SKA3: variants seen among roughly 807,000 people sequenced by gnomAD.
SKA3 encodes the protein spindle and kinetochore associated complex subunit 3, also known as spindle and kinetochore-associated protein 3.
A neutral mutation model predicts 44.2 loss-of-function variants in SKA3; 39 were observed. The ratio of observed to expected loss-of-function variants is 0.88; its 90% CI spans 0.68 to 1.15. SKA3 has a LOEUF of 1.15. Ranked by LOEUF, SKA3 falls within the 50% of genes most tolerant of loss-of-function variation. The probability of loss-of-function intolerance (pLI) is 0.00; values close to 1 mark genes in which losing one functional copy is unlikely to be tolerated. For synonymous variants in SKA3, 192 were observed against 172.0 expected (o/e 1.12, Z -0.91); for missense variants, 511 against 485.8 (o/e 1.05, Z -0.49).
In SKA3 at chr13:21,158,101, T is replaced by C. The variant is rs759086059; in HGVS notation, c.940A>G (p.Lys314Glu). Residue 314 changes from lysine to glutamate, a missense_variant, in exon 7 of 9, where the codon AAA (lysine) becomes GAA (glutamate). Lys to Glu is a moderately conservative substitution (Grantham distance 56, BLOSUM62 1). Transcript: ENST00000314759. ...ALVSTNYPLS[K>E]TNSSSNDLEV... ...AAATCATTTGATGAACTATTTGTTT[T>C]TGATAATGGGTAATTTGTGGATACC... 4.3e-6 allele frequency: 7 copies of C among 1,610,012 alleles called. No individual in the cohort carries two copies. The highest frequency in any genetic ancestry group is 1.3e-5 in the African/African-American group (1 of 74,982).
At chr13:21,159,787 T>G (rs938224767) in intron 6 of SKA3, 115 bp downstream of exon 6, 17 of 572,754 alleles carry the variant, frequency 3.0e-5, no homozygotes, top group Non-Finnish European at 4.2e-5. Flanking sequence ...TGTAAATACA[T>G]CCCTAAAAGC....
intron 6 of SKA3, 23 bp from the exon 7 acceptor site, chr13:21,158,148 T>A: frequency 9.5e-7 from 1 of 1,053,044 alleles, no homozygotes; most frequent in Non-Finnish European, 1.3e-6. Flanking sequence ...AATAGACCAT[T>A]AAATTATGGT....
chr13:21,158,824 A>G (rs1870278044), intron 6 of SKA3, among the ~76,000 whole-genome samples: 1 of 152,232 alleles, frequency 6.6e-6, no homozygotes, highest in Admixed American at 6.5e-5. Context: ...TATGCAGATT[A>G]TTCATGCTAA....
rs1870840461 is a variant in SKA3, at chr13:21,168,274, G to A, written c.457C>T (p.Pro153Ser). Residue 153 changes from proline (P) to serine (S), a missense_variant, in exon 4 of 9, where the codon CCA becomes TCA. Pro to Ser is a moderately conservative substitution (Grantham distance 74). Transcript: ENST00000314759. Reference sequence around the variant, plus strand: ...AAATCTGAAAGTTGTGGACTACGTGGAGACTTCTCAGAAATACAACTGCTT... The same window carrying A: ...AAATCTGAAAGTTGTGGACTACGTGAAGACTTCTCAGAAATACAACTGCTT... ...VASSCISEKSPRSPQLSDFGL... is the reference protein window; with the variant it reads ...VASSCISEKSSRSPQLSDFGL... 1.2e-6 allele frequency: 2 copies of A among 1,614,086 alleles called. No individual in the cohort carries two copies. The highest frequency in any genetic ancestry group is 1.7e-6 in the Non-Finnish European group (2 of 1,180,040).
intron 5 of SKA3, 68 bp from the exon 6 acceptor site, chr13:21,160,055 A>G: frequency 2.0e-6 from 2 of 998,564 alleles, no homozygotes; most frequent in Non-Finnish European, 2.7e-6. Flanking sequence ...CAGGAAGAAA[A>G]TCTCATATTT....
At chr13:21,169,452 C>T (rs938451163) in intron 3 of SKA3, among the ~76,000 whole-genome samples, 4 of 151,878 alleles carry the variant, frequency 2.6e-5, no homozygotes, top group Admixed American at 6.6e-5. Context: ...CTGCCCACCT[C>T]GGCCTCCCAG....
Position 21,154,536 on chromosome 13 carries a change from GAA to G in SKA3, c.*612_*613del, listed in dbSNP as rs1379674780. ...CCCCACACAGTGAAAAGCTGGAAGAGAAACAAAACTCTCAACCTGACAGCAGA... is the reference window on the plus strand; with the variant it reads ...CCCCACACAGTGAAAAGCTGGAAGAGACAAAACTCTCAACCTGACAGCAGA... On this transcript the variant is annotated 3_prime_UTR_variant, in exon 9 of 9. Transcript: ENST00000314759. 1 of 154,000 alleles carries G rather than the reference GAA, an allele frequency of 6.5e-6. No individual in the cohort carries two copies. The highest frequency in any genetic ancestry group is 6.5e-5 in the Admixed American group (1 of 15,502). 9.5% of individuals were successfully genotyped at this position (154,000 alleles called of 1,614,324 possible).
intron 1 of SKA3, 144 bp from the exon 2 acceptor site, chr13:21,172,825 A>T (rs112828288): frequency 1.7e-5 from 6 of 346,796 alleles, no homozygotes; most frequent in South Asian, 1.2e-4. Flanking sequence ...AGATAATACC[A>T]TATTTTTTAC....
chr13:21,163,346 T>C (rs1165634961), intron 4 of SKA3, among the ~76,000 whole-genome samples: 2 of 152,318 alleles, frequency 1.3e-5, no homozygotes, highest in Admixed American at 6.5e-5. Context: ...ACTTGTGTAC[T>C]CTTAATATAA....
chr13:21,163,507 T>C (rs1870548022), intron 4 of SKA3, among the ~76,000 whole-genome samples: 1 of 152,202 alleles, frequency 6.6e-6, no homozygotes, highest in African/African-American at 2.4e-5. Flanking sequence ...CTAAGAAAGA[T>C]TCACCAGTGG....
chr13:21,165,089 T>C (rs1221300957), intron 4 of SKA3, among the ~76,000 whole-genome samples: 2 of 152,082 alleles, frequency 1.3e-5, no homozygotes, highest in Admixed American at 1.3e-4. Flanking sequence ...CTATATTTTA[T>C]GTTGACTTGA....
intron 5 of SKA3, among the ~76,000 whole-genome samples, chr13:21,160,855 T>G (rs912025857): frequency 3.3e-5 from 5 of 152,176 alleles, no homozygotes; most frequent in Admixed American, 6.5e-5. Context: ...GAATACTATT[T>G]ATCAATTAAA....
intron 1 of SKA3, 139 bp from the exon 2 acceptor site, chr13:21,172,820 ATACCATATTTTTTACCG>A (rs948905024): frequency 3.1e-5 from 17 of 550,442 alleles, no homozygotes; most frequent in Middle Eastern, 4.8e-4. Context: ...CCATAAGATA[ATACCATATTTTTTACCG>A]TACCTTTTTT....
chr13:21,168,545 G>C (rs1040547970), intron 3 of SKA3, 146 bp from the exon 4 acceptor site: 2 of 776,090 alleles, frequency 2.6e-6, no homozygotes, highest in African/African-American at 3.5e-5. Context: ...AGTATTTATT[G>C]AGACAGGGTC....
rs751522356 is a variant in SKA3 at position 21,155,774 on chromosome 13, A to G, written c.1157T>C (p.Ile386Thr). 1.1e-5 allele frequency: 18 copies of G among 1,603,168 alleles called. No individual in the cohort carries two copies. Among genetic ancestry groups the G allele is most frequent in the Non-Finnish European group, 1.5e-5 (18 of 1,171,834 alleles). Residue 386 changes from isoleucine to threonine, a missense_variant, in exon 8 of 9, where the codon ATA becomes ACA. Transcript: ENST00000314759. ...SKYNSNLATP[I>T]AIKAVPPSKR... ...ACTGGGTGGCACTGCTTTAATTGCT[A>G]TTGGAGTAGCTAGGTTTGAGTTGTA...
intron 3 of SKA3, among the ~76,000 whole-genome samples, chr13:21,170,179 C>CTT (rs1192752791): frequency 3.5e-4 from 48 of 138,372 alleles, no homozygotes; most frequent in Middle Eastern, 3.6e-3. Context: ...AGGTTATATA[C>CTT]TTTTTTTTTT....
intron 1 of SKA3, among the ~76,000 whole-genome samples, chr13:21,173,248 T>G (rs192130259): frequency 1.3e-5 from 2 of 152,222 alleles, no homozygotes; most frequent in Admixed American, 1.3e-4. Flanking sequence ...AGGGTAAACT[T>G]TAGCCTGATT....
intron 1 of SKA3, among the ~76,000 whole-genome samples, chr13:21,174,198 A>AGAT (rs1871264396): frequency 6.6e-6 from 1 of 152,258 alleles, no homozygotes; most frequent in African/African-American, 2.4e-5. Flanking sequence ...TCAAGGATCT[A>AGAT]GAACTAAAAA....
chr13:21,175,603 A>G (rs1210643529), intron 1 of SKA3, among the ~76,000 whole-genome samples: 1 of 152,182 alleles, frequency 6.6e-6, no homozygotes, highest in Non-Finnish European at 1.5e-5. Context: ...GTGACTGGAG[A>G]TCATTCATTA....
Sources: gnomAD v4.1 joint callset for allele counts (sites outside exome capture counted in the v4.1 genomes callset) on GRCh38, gnomAD v4.1.1 for gene constraint, MANE v1.5 for transcripts, NCBI Gene and HGNC (gene_info 2026-07-23, HGNC 2026-07-21) for gene names.